Variants in FAM193A observed in about 807,000 individuals in gnomAD.
FAM193A encodes family with sequence similarity 193 member A.
Under a neutral mutation model 126.5 loss-of-function variants are expected in FAM193A, and 22 were observed. The observed-to-expected ratio is 0.17, with a 90% CI of 0.12 to 0.25. The LOEUF is 0.25. FAM193A is among the 10% of genes least tolerant of loss of function. The pLI is 1.00. For synonymous variants in FAM193A, 761 were observed against 646.8 expected, an observed-to-expected ratio of 1.18 and a Z score of -2.68; for missense variants, 1,675 against 1,672.8, an observed-to-expected ratio of 1.00 and a Z score of -0.02.
At chr4:2,558,688 C>G (rs1268670903) in intron 1 of FAM193A, among the ~76,000 whole-genome samples, 3 of 152,142 alleles carry the variant, frequency 2.0e-5, no homozygotes. Context: ...CTGTACCTAG[C>G]TGTTTCTGTC....
intron 1 of FAM193A, among the ~76,000 whole-genome samples, chr4:2,594,739 C>G (rs184111402): frequency 9.8e-4 from 148 of 151,556 alleles, no homozygotes; most frequent in Non-Finnish European, 1.8e-3. Context: ...TCCCCCGACA[C>G]ACACACACTT....
chr4:2,613,416 G>T (rs948947618), intron 2 of FAM193A, among the ~76,000 whole-genome samples: 4 of 125,006 alleles, frequency 3.2e-5, no homozygotes, highest in East Asian at 2.3e-4. Flanking sequence ...CATGTGTACT[G>T]TAAAAACTCA....
At chr4:2,600,380 T>C (rs1235861241) in intron 2 of FAM193A, among the ~76,000 whole-genome samples, 1 of 152,236 alleles carries the variant, frequency 6.6e-6, no homozygotes, top group Non-Finnish European at 1.5e-5. Flanking sequence ...CAGCCCTGTC[T>C]CTTCCCTCCA....
chr4:2,624,005 C>T (rs1165537450), intron 2 of FAM193A, among the ~76,000 whole-genome samples: 1 of 152,098 alleles, frequency 6.6e-6, no homozygotes, highest in Non-Finnish European at 1.5e-5. Context: ...AGCCCTGAGC[C>T]CCTGTTCCCA....
intron 20 of FAM193A, among the ~76,000 whole-genome samples, chr4:2,729,409 T>G (rs1278810609): frequency 1.3e-5 from 2 of 152,334 alleles, no homozygotes; most frequent in East Asian, 3.9e-4. Context: ...CCCTGAAGTA[T>G]GCCAACACCT....
At chr4:2,670,594 G>A (rs1713678196) in intron 12 of FAM193A, among the ~76,000 whole-genome samples, 1 of 151,906 alleles carries the variant, frequency 6.6e-6, no homozygotes, top group South Asian at 2.1e-4. Context: ...CAAGTACTTG[G>A]GACTACAGGC....
rs79969925 is a variant in FAM193A at position 2,700,089 on chromosome 4, A to G, written c.3917A>G (p.Lys1306Arg). The G allele has an allele frequency of 2.1e-3, 3,346 of 1,613,778 alleles. 68 individuals are homozygous for G. In the African/African-American group the frequency reaches 0.038, roughly 18 times the overall value. ...GACCCCGTCGACACCAGAGACTCCAAATTTCTCCTCCCCAAGGAGGTGAAT... is the reference window on the plus strand; with the variant it reads ...GACCCCGTCGACACCAGAGACTCCAGATTTCTCCTCCCCAAGGAGGTGAAT... The part of the protein sequence containing the change: ...AADPVDTRDS[K>R]FLLPKEVNGK... Residue 1306 changes from lysine (K) to arginine (R), a missense_variant, in exon 19 of 21, where the codon AAA (lysine) becomes AGA (arginine). Physicochemically the swap from Lys to Arg is conservative, Grantham distance 26. Around this residue, in one of 4 missense-constraint regions of FAM193A, gnomAD observed 415 missense variants for 396.7 expected, o/e 1.05. Transcript: ENST00000637812.
At chr4:2,721,349 A>C (rs1045505045) in intron 20 of FAM193A, among the ~76,000 whole-genome samples, 5 of 144,842 alleles carry the variant, frequency 3.5e-5, no homozygotes, top group African/African-American at 7.7e-5. Context: ...AAAGCCAGGC[A>C]TGGTGGTACA....
At chr4:2,566,162 C>T (rs1348806104) in intron 1 of FAM193A, among the ~76,000 whole-genome samples, 1 of 151,934 alleles carries the variant, frequency 6.6e-6, no homozygotes, top group Non-Finnish European at 1.5e-5. Flanking sequence ...ATTCTGCTGC[C>T]TCAACCTGAC....
chr4:2,726,912 TAC>T (rs1720814767), intron 20 of FAM193A, among the ~76,000 whole-genome samples: 1 of 135,668 alleles, frequency 7.4e-6, no homozygotes, highest in African/African-American at 2.8e-5. Context: ...ATCGTGCCAT[TAC>T]ACTCCAGCCT....
At chr4:2,594,977 C>T (rs1281187527) in intron 1 of FAM193A, among the ~76,000 whole-genome samples, 2 of 151,556 alleles carry the variant, frequency 1.3e-5, no homozygotes, top group African/African-American at 2.4e-5. Context: ...TACAGGTGCA[C>T]ACCACCACGC....
At chr4:2,577,881 C>T (rs1739698633) in intron 1 of FAM193A, among the ~76,000 whole-genome samples, 1 of 152,188 alleles carries the variant, frequency 6.6e-6, no homozygotes, top group Non-Finnish European at 1.5e-5. Context: ...ATTGGCCAGA[C>T]ATCTAAAGTT....
chr4:2,619,689 T>C (rs2108962594), intron 2 of FAM193A, among the ~76,000 whole-genome samples: 1 of 151,586 alleles, frequency 6.6e-6, no homozygotes, highest in Admixed American at 6.6e-5. Context: ...CTTTCTTTCT[T>C]TCTTTTATTG....
intron 6 of FAM193A, among the ~76,000 whole-genome samples, chr4:2,644,395 G>T (rs1476018651): frequency 6.6e-6 from 1 of 152,160 alleles, no homozygotes; most frequent in African/African-American, 2.4e-5. Flanking sequence ...GTAGAAGCTG[G>T]ATTCTGTGTG....
intron 1 of FAM193A, among the ~76,000 whole-genome samples, chr4:2,554,331 G>A (rs6829702): frequency 0.029 from 4,334 of 151,738 alleles, 226 homozygotes; most frequent in African/African-American, 0.099. Flanking sequence ...GATCCACCCC[G>A]CTCAGCCTCC....
intron 13 of FAM193A, among the ~76,000 whole-genome samples, chr4:2,681,580 C>A (rs1402721802): frequency 3.9e-5 from 6 of 151,988 alleles, no homozygotes; most frequent in African/African-American, 1.2e-4. Context: ...AGTCTCGTAG[C>A]TTGGACTACA....
At chr4:2,613,205 C>T (rs764707764) in intron 2 of FAM193A, among the ~76,000 whole-genome samples, 7 of 152,056 alleles carry the variant, frequency 4.6e-5, no homozygotes, top group Non-Finnish European at 7.4e-5. Context: ...GGGAGTTCTA[C>T]GCAGGTGGAT....
At position 2,716,075 on chromosome 4, in the gene FAM193A, GAC is replaced by G. The variant is rs2109372114; in HGVS notation, c.4427_4428del (p.Thr1476ArgfsTer16). 6.2e-7 allele frequency: 1 copy of G among 1,605,790 alleles called. No individual in the cohort carries two copies. The highest frequency in any genetic ancestry group is 1.3e-5 in the African/African-American group (1 of 74,892). On this transcript the variant is annotated frameshift_variant, in exon 20 of 21. Transcript: ENST00000637812. LOFTEE classifies it high-confidence loss of function. ...IDLDSVDMDE[T>X]EREVEYFKRF... ...ACCTAGACAGTGTGGATATGGATGA[GAC>G]AGAGAGGGAAGTGGAATATTTCAAA...
intron 2 of FAM193A, among the ~76,000 whole-genome samples, chr4:2,605,736 C>T (rs1741495090): frequency 6.6e-6 from 1 of 152,064 alleles, no homozygotes; most frequent in African/African-American, 2.4e-5. Context: ...CTTTGGGAGG[C>T]CAAGATGGGC....
Sources: gnomAD v4.1 joint callset for allele counts (sites outside exome capture counted in the v4.1 genomes callset) on GRCh38, gnomAD v4.1.1 for gene constraint, gnomAD v4.1.1 regional missense constraint, MANE v1.5 for transcripts, NCBI Gene and HGNC (gene_info 2026-07-23, HGNC 2026-07-21) for gene names.